Variants in TMCC3 observed in about 807,000 individuals in gnomAD.
TMCC3 encodes transmembrane and coiled-coil domain protein 3.
Under a neutral mutation model 40.2 loss-of-function variants are expected in TMCC3, and 28 were observed. The ratio of observed to expected loss-of-function variants is 0.70; its 90% CI spans 0.52 to 0.95. The LOEUF is 0.95. TMCC3 is among the 40% of genes least tolerant of loss of function. TMCC3 has a pLI of 0.00. For missense variants in TMCC3, 554 were observed against 615.2 expected, an observed-to-expected ratio of 0.90 and a Z score of 1.05; for synonymous variants, 255 against 248.5, an observed-to-expected ratio of 1.03 and a Z score of -0.25.
chr12:94,603,212 G>GT, intron 1 of TMCC3, among the ~76,000 whole-genome samples: 1 of 152,264 alleles, frequency 6.6e-6, no homozygotes, highest in Non-Finnish European at 1.5e-5. Flanking sequence ...AGCTTCCCGA[G>GT]TACCTGGGAT....
At chr12:94,616,174 G>C in intron 1 of TMCC3, 2 of 852,198 alleles carry the variant, frequency 2.3e-6, no homozygotes, top group Non-Finnish European at 2.8e-6. Flanking sequence ...TCAACACATT[G>C]CTGTACAAAT....
At chr12:94,595,412 A>G (rs1288588666) in intron 1 of TMCC3, among the ~76,000 whole-genome samples, 1 of 152,174 alleles carries the variant, frequency 6.6e-6, no homozygotes, top group Non-Finnish European at 1.5e-5. Context: ...AAGCCACATA[A>G]TGGTCACAAC....
intron 1 of TMCC3, among the ~76,000 whole-genome samples, chr12:94,596,838 C>T (rs1035015280): frequency 1.3e-5 from 2 of 152,016 alleles, no homozygotes; most frequent in Non-Finnish European, 2.9e-5. Context: ...TCAAGAAGAA[C>T]CTGCAACTGA....
At chr12:94,630,832 G>A (rs1020897318) in intron 1 of TMCC3, among the ~76,000 whole-genome samples, 4 of 152,122 alleles carry the variant, frequency 2.6e-5, no homozygotes, top group East Asian at 1.9e-4. Context: ...GGGTTCAAGC[G>A]ATTCTCGTGC....
chr12:94,645,094 C>T (rs1380891849), intron 1 of TMCC3, among the ~76,000 whole-genome samples: 4 of 152,210 alleles, frequency 2.6e-5, no homozygotes, highest in Non-Finnish European at 5.9e-5. Flanking sequence ...AGAGACCAGA[C>T]TGTTTCATTT....
At chr12:94,609,048 T>C (rs530451209) in intron 1 of TMCC3, among the ~76,000 whole-genome samples, 7 of 151,874 alleles carry the variant, frequency 4.6e-5, no homozygotes, top group Non-Finnish European at 8.8e-5. Flanking sequence ...CGACCCCTGA[T>C]GCCCTCCAGT....
At chr12:94,632,951 G>A (rs1367731306) in intron 1 of TMCC3, among the ~76,000 whole-genome samples, 1 of 151,922 alleles carries the variant, frequency 6.6e-6, no homozygotes, top group Non-Finnish European at 1.5e-5. Flanking sequence ...TACTAAAAAT[G>A]CAAAATTCGC....
chr12:94,619,214 A>C (rs1411485499), intron 1 of TMCC3, among the ~76,000 whole-genome samples: 1 of 152,200 alleles, frequency 6.6e-6, no homozygotes, highest in Non-Finnish European at 1.5e-5. Flanking sequence ...GCTTCACTCA[A>C]AATTGCTTTA....
At chr12:94,629,838 C>A (rs962880200) in intron 1 of TMCC3, among the ~76,000 whole-genome samples, 2 of 152,192 alleles carry the variant, frequency 1.3e-5, no homozygotes, top group Admixed American at 6.5e-5. Flanking sequence ...GCTGATCATT[C>A]AAATTTCGAA....
chr12:94,580,390 AT>A (rs1487448238), intron 2 of TMCC3, among the ~76,000 whole-genome samples: 5 of 152,208 alleles, frequency 3.3e-5, no homozygotes, highest in Non-Finnish European at 7.3e-5. Context: ...AAAGTTCTTT[AT>A]TTTACTTTAG....
At chr12:94,641,585 T>C (rs2138885340) in intron 1 of TMCC3, among the ~76,000 whole-genome samples, 1 of 152,280 alleles carries the variant, frequency 6.6e-6, no homozygotes, top group South Asian at 2.1e-4. Context: ...GAGCAGATAA[T>C]TGTTTCTTTG....
At chr12:94,578,165 A>AAAAAAAAAAAAAAAAAAAAAAAG (rs1467855760) in intron 3 of TMCC3, among the ~76,000 whole-genome samples, 12 of 123,394 alleles carry the variant, frequency 9.7e-5, no homozygotes, top group African/African-American at 4.1e-4. Context: ...AAAAAAAAAA[A>AAAAAAAAAAAAAAAAAAAAAAAG]AAAGAAAAAG....
intron 1 of TMCC3, chr12:94,610,046 G>A (rs2068806238): frequency 6.6e-6 from 1 of 152,192 alleles, no homozygotes; most frequent in African/African-American, 2.4e-5. Flanking sequence ...CTGCCAGCCA[G>A]GGAGAAAGGG....
chr12:94,627,274 G>A (rs756597228), intron 1 of TMCC3, among the ~76,000 whole-genome samples: 11 of 152,152 alleles, frequency 7.2e-5, no homozygotes, highest in Non-Finnish European at 1.6e-4. Flanking sequence ...CTGGCACCAT[G>A]CTGCTTCCTC....
intron 1 of TMCC3, among the ~76,000 whole-genome samples, chr12:94,640,956 T>C (rs2068987121): frequency 6.6e-6 from 1 of 152,160 alleles, no homozygotes; most frequent in Admixed American, 6.5e-5. Flanking sequence ...TCCCAGCACT[T>C]TGGGAGGCCA....
chr12:94,647,020 T>A (rs1427635262), intron 1 of TMCC3, among the ~76,000 whole-genome samples: 3 of 152,040 alleles, frequency 2.0e-5, no homozygotes, highest in African/African-American at 7.2e-5. Context: ...AATTCACACA[T>A]CATTAATAAA....
At chr12:94,600,240 G>GTTTTTTTT (rs530585319) in intron 1 of TMCC3, among the ~76,000 whole-genome samples, 5 of 102,068 alleles carry the variant, frequency 4.9e-5, no homozygotes, top group East Asian at 3.0e-4. Context: ...CCAAATTCTG[G>GTTTTTTTT]TTTTTTTTTT....
chr12:94,637,971 G>A (rs76505477), intron 1 of TMCC3, among the ~76,000 whole-genome samples: 4,720 of 152,230 alleles, frequency 0.031, 112 homozygotes, highest in Admixed American at 0.08. Flanking sequence ...GAGAGAGGAT[G>A]GGGCAGGTAC....
intron 1 of TMCC3, among the ~76,000 whole-genome samples, chr12:94,619,773 G>A (rs963484774): frequency 2.6e-5 from 4 of 152,144 alleles, no homozygotes; most frequent in African/African-American, 9.7e-5. Context: ...CATCATCCTG[G>A]GAGGAACTTA....
Sources: allele counts gnomAD v4.1 joint callset (sites outside exome capture counted in the v4.1 genomes callset), GRCh38; gene constraint gnomAD v4.1.1; transcripts MANE v1.5; gene names NCBI Gene and HGNC (gene_info 2026-07-23, HGNC 2026-07-21).